SRGAP3: variants seen among roughly 807,000 people sequenced by gnomAD.
SRGAP3 encodes SLIT-ROBO Rho GTPase activating protein 3.
A neutral mutation model predicts 121.1 loss-of-function variants in SRGAP3; 39 were observed. The ratio of observed to expected loss-of-function variants is 0.32; its 90% CI spans 0.25 to 0.42. The LOEUF is 0.42. Ranked by LOEUF, SRGAP3 falls within the 10% of genes least tolerant of loss-of-function variation. The pLI is 1.00. For missense variants in SRGAP3, 1,213 were observed against 1,470.6 expected, an observed-to-expected ratio of 0.82 and a Z score of 2.86; for synonymous variants, 601 against 570.0, an observed-to-expected ratio of 1.05 and a Z score of -0.77.
intron 1 of SRGAP3, among the ~76,000 whole-genome samples, chr3:9,207,625 C>T (rs966572558): frequency 2.0e-5 from 3 of 152,160 alleles, no homozygotes; most frequent in African/African-American, 7.2e-5. Context: ...CCAGGCCACA[C>T]TACAGGTCCA....
chr3:9,046,938 C>A (rs372955854), intron 10 of SRGAP3, among the ~76,000 whole-genome samples: 1 of 151,992 alleles, frequency 6.6e-6, no homozygotes, highest in African/African-American at 2.4e-5. Flanking sequence ...TCACGCCATT[C>A]TCCTGCCTCA....
At chr3:9,360,220 T>A (rs911380053) in intron 1 of SRGAP3, among the ~76,000 whole-genome samples, 7 of 152,226 alleles carry the variant, frequency 4.6e-5, no homozygotes, top group Admixed American at 3.3e-4. Context: ...TGAGCCAGCA[T>A]GCCCAGTTTG....
At chr3:9,197,773 G>C (rs1560398313) in intron 1 of SRGAP3, among the ~76,000 whole-genome samples, 3 of 152,148 alleles carry the variant, frequency 2.0e-5, no homozygotes, top group Non-Finnish European at 4.4e-5. Flanking sequence ...ATTGTTATTA[G>C]TTATTACTTT....
intron 18 of SRGAP3, among the ~76,000 whole-genome samples, chr3:9,008,651 C>T (rs568112660): frequency 4.0e-4 from 61 of 152,188 alleles, no homozygotes; most frequent in Non-Finnish European, 7.8e-4. Flanking sequence ...AGGTGGCGGC[C>T]TTCACATCTC....
intron 1 of SRGAP3, among the ~76,000 whole-genome samples, chr3:9,170,388 G>GAGTAGT (rs1950933431): frequency 6.6e-6 from 1 of 152,160 alleles, no homozygotes; most frequent in South Asian, 2.1e-4. Context: ...GACAGCCTCG[G>GAGTAGT]AGTAGTAGTG....
At chr3:9,034,321 G>A (rs182040458) in intron 11 of SRGAP3, 1 of 152,286 alleles carries the variant, frequency 6.6e-6, no homozygotes, top group East Asian at 1.9e-4. Context: ...CACAGATAAT[G>A]TCCACACATG....
At chr3:9,279,879 A>G (rs1211022301) in intron 3 of SRGAP3, among the ~76,000 whole-genome samples, 1 of 152,188 alleles carries the variant, frequency 6.6e-6, no homozygotes, top group Non-Finnish European at 1.5e-5. Context: ...AGACCCCACA[A>G]TGGACACATG....
intron 1 of SRGAP3, among the ~76,000 whole-genome samples, chr3:9,247,300 A>C (rs1012940914): frequency 2.0e-5 from 3 of 152,174 alleles, no homozygotes; most frequent in Non-Finnish European, 4.4e-5. Context: ...AATTTTCAGC[A>C]AGGCTGAGAC....
chr3:9,045,174 A>G (rs694744), intron 10 of SRGAP3, among the ~76,000 whole-genome samples: 50,309 of 149,646 alleles, frequency 0.34, 8,639 homozygotes, highest in East Asian at 0.5. Context: ...AACTGTTTTA[A>G]AAGAGAAAGT....
At chr3:9,103,628 G>A (rs943832648) in intron 3 of SRGAP3, among the ~76,000 whole-genome samples, 3 of 152,142 alleles carry the variant, frequency 2.0e-5, no homozygotes. Context: ...CACTCTCCCC[G>A]CACACCATTT....
chr3:9,305,300 G>A (rs114280407), intron 3 of SRGAP3, among the ~76,000 whole-genome samples: 1,767 of 150,198 alleles, frequency 0.012, 25 homozygotes, highest in African/African-American at 0.037. Flanking sequence ...TGACCTCCAC[G>A]CGAACGCTGC....
intron 3 of SRGAP3, among the ~76,000 whole-genome samples, chr3:9,268,039 G>A (rs1023720843): frequency 2.0e-5 from 3 of 152,112 alleles, no homozygotes; most frequent in Admixed American, 2.0e-4. Context: ...AGACCAACAG[G>A]AAGCAAGGAC....
chr3:9,150,944 C>A (rs1321500655), intron 1 of SRGAP3, among the ~76,000 whole-genome samples: 1 of 152,216 alleles, frequency 6.6e-6, no homozygotes, highest in East Asian at 1.9e-4. Flanking sequence ...GAAACTGGGT[C>A]AACTCCAGAC....
At chr3:9,106,505 T>G (rs919322043) in intron 2 of SRGAP3, among the ~76,000 whole-genome samples, 1 of 152,184 alleles carries the variant, frequency 6.6e-6, no homozygotes, top group African/African-American at 2.4e-5. Flanking sequence ...GCAATTGATA[T>G]AGTTTGGTTT....
At chr3:9,014,637 A>T (rs2125036512) in intron 15 of SRGAP3, 1 of 152,778 alleles carries the variant, frequency 6.5e-6, no homozygotes, top group Admixed American at 6.5e-5. Flanking sequence ...TCTAGAATAC[A>T]GCTTGTAGTA....
At chr3:9,116,989 G>A (rs529114940) in intron 2 of SRGAP3, among the ~76,000 whole-genome samples, 43 of 152,252 alleles carry the variant, frequency 2.8e-4, no homozygotes, top group African/African-American at 1.0e-3. Context: ...TGGGGTGCTT[G>A]GAAGAGTAAA....
intron 14 of SRGAP3, among the ~76,000 whole-genome samples, chr3:9,023,311 C>T (rs1037867904): frequency 1.3e-5 from 2 of 152,208 alleles, no homozygotes; most frequent in African/African-American, 4.8e-5. Flanking sequence ...AATGAAGAAA[C>T]AACATTATGG....
At chr3:9,277,369 G>A (rs1007100422) in intron 3 of SRGAP3, among the ~76,000 whole-genome samples, 10 of 151,972 alleles carry the variant, frequency 6.6e-5, no homozygotes, top group Admixed American at 3.9e-4. Context: ...GGAGGCCAAG[G>A]CGAGCAGATC....
At chr3:9,124,659 G>A in intron 2 of SRGAP3, 66 bp downstream of exon 2, 1 of 1,602,512 alleles carries the variant, frequency 6.2e-7, no homozygotes. Context: ...TTTCTGCTTT[G>A]CCACCAACTG....
Sources: allele counts gnomAD v4.1 joint callset (sites outside exome capture counted in the v4.1 genomes callset), GRCh38; gene constraint gnomAD v4.1.1; transcripts MANE v1.5; gene names NCBI Gene and HGNC (gene_info 2026-07-23, HGNC 2026-07-21).